Variants in GXYLT1 observed in about 807,000 individuals in gnomAD.
GXYLT1 encodes glucoside xylosyltransferase 1.
GXYLT1 carries 29 observed loss-of-function variants against 54.0 expected under a neutral mutation model. The ratio of observed to expected loss-of-function variants is 0.54; its 90% CI spans 0.40 to 0.73. GXYLT1 has a LOEUF of 0.73. Among genes scored for constraint, GXYLT1 ranks in the 30% least tolerant of loss-of-function variants. The pLI is 0.00. For synonymous variants in GXYLT1, 176 were observed against 204.1 expected (o/e 0.86, Z 1.17); for missense variants, 490 against 553.4 (o/e 0.89, Z 1.15).
intron 2 of GXYLT1, among the ~76,000 whole-genome samples, chr12:42,126,881 A>G (rs1219780729): frequency 1.5e-5 from 2 of 137,802 alleles, no homozygotes; most frequent in African/African-American, 2.8e-5. Context: ...CTGTCTCAAG[A>G]AAAAAAAAAA....
intron 1 of GXYLT1, among the ~76,000 whole-genome samples, chr12:42,134,113 T>C (rs1413442131): frequency 1.3e-5 from 2 of 151,484 alleles, no homozygotes; most frequent in African/African-American, 2.4e-5. Flanking sequence ...GTTAGGAGGA[T>C]AGTTTGAGCC....
intron 1 of GXYLT1, among the ~76,000 whole-genome samples, chr12:42,138,644 G>A (rs2065634870): frequency 6.6e-6 from 1 of 152,138 alleles, no homozygotes; most frequent in Non-Finnish European, 1.5e-5. Flanking sequence ...ACCTCATACA[G>A]TACACACATT....
At position 42,144,668 on chromosome 12, in the gene GXYLT1, T is replaced by TCGCCGCCGC. The variant is rs569345374; in HGVS notation, c.-31_-23dup. ...GCATCGCCCCGGCCGCGCTCCTCCT[T>TCGCCGCCGC]CGCCGCCGCCGCCGCGCCCGCCCCG... On this transcript the variant is annotated 5_prime_UTR_variant, in exon 1 of 8. Transcript: ENST00000398675. 458 of 1,379,890 alleles carry TCGCCGCCGC rather than the reference T, an allele frequency of 3.3e-4. No homozygotes were observed. The highest frequency in any genetic ancestry group is 1.2e-3 in the African/African-American group (81 of 65,202). The allele number at this position is 1,379,890 out of a possible 1,614,324, so 85.5% of individuals were successfully genotyped here. A position where few individuals can be genotyped will look rare whatever the true frequency, so the allele number is the denominator to read the frequency against.
intron 3 of GXYLT1, among the ~76,000 whole-genome samples, chr12:42,114,383 C>G (rs909962427): frequency 6.6e-6 from 1 of 151,976 alleles, no homozygotes. Context: ...AGAACGCTAG[C>G]AAGACTAACA....
In GXYLT1 at chr12:42,113,039, T is replaced by C. The variant is rs185317974; in HGVS notation, c.487-3348A>G. Among the ~76,000 whole-genome samples, 1,457 of 151,108 alleles carry C rather than the reference T, an allele frequency of 9.6e-3. 23 individuals are homozygous for C. The highest frequency in any genetic ancestry group is 0.013 in the Non-Finnish European group (858 of 68,022). Reference sequence around the variant, plus strand: ...TCATATCCAGCCAAACTAAGCTTCATAACTGAAGGAGAAATAAAATACTTT... The same window carrying C: ...TCATATCCAGCCAAACTAAGCTTCACAACTGAAGGAGAAATAAAATACTTT... On this transcript the variant is annotated intron_variant, in intron 3 of 7. Coordinates refer to ENST00000398675, the MANE Select transcript of GXYLT1 (RefSeq NM_173601.2).
intron 1 of GXYLT1, among the ~76,000 whole-genome samples, chr12:42,136,765 T>TACATACAC (rs1170618154): frequency 6.7e-6 from 1 of 148,580 alleles, no homozygotes; most frequent in African/African-American, 2.6e-5. Context: ...CATACATACA[T>TACATACAC]ACATACATAC....
In GXYLT1 at chr12:42,097,926, C is replaced by A. The variant is rs2065365795; in HGVS notation, c.972G>T (p.Val324=). ...AATAATTACCTGGATTATGAAAAAA[C>A]ACGATATTCAATAGATCTTGATCAC... ...TWGDQDLLNI[V]FFHNPESLFV... Residue 324 remains valine (V), a synonymous_variant, in exon 6 of 8, where the codon GTG becomes GTT. Coordinates refer to ENST00000398675, the MANE Select transcript of GXYLT1 (RefSeq NM_173601.2). The A allele has an allele frequency of 6.3e-7, 1 of 1,585,778 alleles. No individual in the cohort carries two copies. Among genetic ancestry groups the A allele is most frequent in the Non-Finnish European group, 8.6e-7 (1 of 1,165,002 alleles).
intron 2 of GXYLT1, among the ~76,000 whole-genome samples, chr12:42,121,329 C>G (rs1007622630): frequency 3.9e-5 from 6 of 152,148 alleles, no homozygotes; most frequent in Non-Finnish European, 7.3e-5. Flanking sequence ...TATATTAAAC[C>G]TAAAGAAACA....
At chr12:42,109,276 C>T (rs1349967449) in intron 4 of GXYLT1, among the ~76,000 whole-genome samples, 1 of 152,116 alleles carries the variant, frequency 6.6e-6, no homozygotes, top group East Asian at 1.9e-4. Flanking sequence ...GACCTGGCAA[C>T]CTCTATTCCT....
Position 42,137,035 on chromosome 12 carries a change from T to C in GXYLT1, c.222-7184A>G, listed in dbSNP as rs537486362. On this transcript the variant is annotated intron_variant, in intron 1 of 7. Transcript: ENST00000398675. ...AATCCACCCACCTTTGCCTCCCTGC[T>C]AGGATTACAGGTACGAGCCACCATG... is the stretch of plus-strand genomic sequence containing the variant. Among the ~76,000 whole-genome samples, 6 of 152,264 alleles carry C rather than the reference T, an allele frequency of 3.9e-5. No individual in the cohort carries two copies. In the East Asian group the frequency reaches 9.6e-4, roughly 24 times the overall value.
intron 1 of GXYLT1, among the ~76,000 whole-genome samples, chr12:42,138,034 G>A (rs1255361326): frequency 6.6e-6 from 1 of 152,118 alleles, no homozygotes; most frequent in Non-Finnish European, 1.5e-5. Flanking sequence ...TTGGGAGTCT[G>A]AGGCAGGCAG....
rs151229568 is a variant in GXYLT1 at position 42,107,881 on chromosome 12, C to A, written c.612+1685G>T. On this transcript the variant is annotated intron_variant, in intron 4 of 7. Transcript: ENST00000398675. ...AAGCTTCAAGTTCAATGCTGGGAGC[C>A]ACTACCAGCTGGAAATCAGACATGG... Among the ~76,000 whole-genome samples the A allele has an allele frequency of 3.7e-3, 563 of 152,262 alleles. 1 individual carries two copies. Among genetic ancestry groups the A allele is most frequent in the African/African-American group, 0.011 (465 of 41,548 alleles).
At chr12:42,130,176 A>G (rs2065586250) in intron 1 of GXYLT1, among the ~76,000 whole-genome samples, 1 of 152,192 alleles carries the variant, frequency 6.6e-6, no homozygotes, top group Non-Finnish European at 1.5e-5. Context: ...CAGGCTACAC[A>G]TATACCCCTA....
chr12:42,133,913 C>G (rs2136918410), intron 1 of GXYLT1, among the ~76,000 whole-genome samples: 1 of 152,160 alleles, frequency 6.6e-6, no homozygotes. Flanking sequence ...ATGGCAAATG[C>G]TGGCCGGGCA....
intron 5 of GXYLT1, among the ~76,000 whole-genome samples, chr12:42,104,277 CT>C (rs1376485694): frequency 6.8e-6 from 1 of 147,300 alleles, no homozygotes; most frequent in Non-Finnish European, 1.5e-5. Context: ...TGCAGATAAT[CT>C]TACAGCACCA....
At chr12:42,095,311 T>C (rs1250969233) in intron 7 of GXYLT1, among the ~76,000 whole-genome samples, 2 of 152,128 alleles carry the variant, frequency 1.3e-5, no homozygotes, top group Admixed American at 6.5e-5. Context: ...TATATATATA[T>C]GACACAGCTA....
chr12:42,127,742 G>A (rs181594370), intron 2 of GXYLT1, among the ~76,000 whole-genome samples: 2 of 152,274 alleles, frequency 1.3e-5, no homozygotes, highest in African/African-American at 4.8e-5. Context: ...TATGTGGCAA[G>A]GCAAAGTGGT....
At chr12:42,120,921 T>C (rs1368396975) in intron 2 of GXYLT1, among the ~76,000 whole-genome samples, 2 of 152,172 alleles carry the variant, frequency 1.3e-5, no homozygotes, top group African/African-American at 4.8e-5. Context: ...TTGTACCCTC[T>C]GTCCTTTGCC....
At chr12:42,116,079 G>A (rs556146951) in intron 3 of GXYLT1, among the ~76,000 whole-genome samples, 42 of 152,124 alleles carry the variant, frequency 2.8e-4, no homozygotes, top group African/African-American at 8.7e-4. Flanking sequence ...CTAGCCATAC[G>A]TAGAAAGCTG....
Sources: gnomAD v4.1 joint callset for allele counts (sites outside exome capture counted in the v4.1 genomes callset) on GRCh38, gnomAD v4.1.1 for gene constraint, MANE v1.5 for transcripts, NCBI Gene and HGNC (gene_info 2026-07-23, HGNC 2026-07-21) for gene names.